TMEM248: variants seen among roughly 807,000 people sequenced by gnomAD.
TMEM248 encodes the protein transmembrane protein 248.
In TMEM248, 9 loss-of-function variants were observed where a neutral mutation model predicts 30.3. The ratio of observed to expected loss-of-function variants is 0.30; its 90% confidence interval spans 0.18 to 0.52. The LOEUF is 0.52. Among genes scored for constraint, TMEM248 ranks in the 20% least tolerant of loss-of-function variants. TMEM248 has a pLI of 0.97. For missense variants in TMEM248, 338 were observed against 403.3 expected, an observed-to-expected ratio of 0.84 and a Z score of 1.39; for synonymous variants, 184 against 154.4, an observed-to-expected ratio of 1.19 and a Z score of -1.42.
intron 6 of TMEM248, among the ~76,000 whole-genome samples, chr7:66,954,842 C>T (rs1562946672): frequency 6.6e-6 from 1 of 152,224 alleles, no homozygotes; most frequent in Non-Finnish European, 1.5e-5. Flanking sequence ...ACCCAAGCCT[C>T]TGTTGCTATT....
Position 66,955,483 on chromosome 7 carries a change from C to T in TMEM248, c.925-19C>T, listed in dbSNP as rs749941710. On this transcript the variant is annotated intron_variant, in intron 6 of 6. Transcript: ENST00000341567. The stretch of plus-strand genomic sequence containing the variant: ...GGCTTCCCTTTTTTGACTGGTTTCC[C>T]TGGCTTGCTGTCTTCCAGGTGGCTT... 12 of 1,614,048 alleles carry T rather than the reference C, an allele frequency of 7.4e-6. No individual in the cohort carries two copies. The South Asian group carries it at 1.1e-4, about 15-fold the overall frequency.
At position 66,941,886 on chromosome 7, in the gene TMEM248, G is replaced by A. The variant is rs1791970040; in HGVS notation, c.21G>A (p.Leu7=). The change falls in exon 2 of 7, where the codon CTG becomes CTA. Residue 7 remains leucine (L), a synonymous_variant. Coordinates refer to ENST00000341567, the MANE Select transcript of TMEM248 (RefSeq NM_017994.5). MFSINP[L]ENLKVYISSR... is the part of the protein sequence containing the mutation. ...GAATAATGTTCAGCATCAACCCCCT[G>A]GAGAACCTGAAGGTGTACATCAGCA... The A allele has an allele frequency of 1.2e-6, 2 of 1,613,870 alleles. No individual in the cohort carries two copies.
At chr7:66,953,762 G>C (rs1792329952) in intron 6 of TMEM248, among the ~76,000 whole-genome samples, 1 of 150,750 alleles carries the variant, frequency 6.6e-6, no homozygotes, top group Non-Finnish European at 1.5e-5. Context: ...AAGCCACCGC[G>C]TCCCACTAAG....
At chr7:66,937,135 G>T (rs1257147046) in intron 1 of TMEM248, among the ~76,000 whole-genome samples, 1 of 152,056 alleles carries the variant, frequency 6.6e-6, no homozygotes, top group Non-Finnish European at 1.5e-5. Context: ...TTTGTTTCAA[G>T]ACACTTTTTA....
intron 5 of TMEM248, among the ~76,000 whole-genome samples, chr7:66,952,934 G>A (rs973695140): frequency 2.0e-5 from 3 of 152,214 alleles, no homozygotes; most frequent in Non-Finnish European, 4.4e-5. Flanking sequence ...AGGGGAGGAA[G>A]CCTGCTGGAG....
At chr7:66,944,724 TCA>T (rs1333376395) in intron 2 of TMEM248, among the ~76,000 whole-genome samples, 1 of 152,238 alleles carries the variant, frequency 6.6e-6, no homozygotes, top group Non-Finnish European at 1.5e-5. Context: ...TGATTTGATT[TCA>T]CAGTTTATTG....
At chr7:66,924,501 T>A (rs1465135882) in intron 1 of TMEM248, among the ~76,000 whole-genome samples, 2 of 152,002 alleles carry the variant, frequency 1.3e-5, no homozygotes, top group African/African-American at 4.8e-5. Context: ...GCCTTCCGGG[T>A]TCAAGCGATT....
intron 1 of TMEM248, among the ~76,000 whole-genome samples, chr7:66,934,873 G>T (rs1791762220): frequency 6.6e-6 from 1 of 152,012 alleles, no homozygotes. Flanking sequence ...TCAACATGGT[G>T]AAACCCTGTC....
At chr7:66,944,891 G>A in intron 2 of TMEM248, 85 bp from the exon 3 acceptor site, 1 of 1,434,802 alleles carries the variant, frequency 7.0e-7, no homozygotes, top group Non-Finnish European at 9.6e-7. Context: ...GTGCTGCGGT[G>A]CCACACTGGG....
rs111972332 is a variant in TMEM248 at position 66,948,725 on chromosome 7, G to A, written c.596+31G>A. ...TGTACCCGGCACCTGATGAACGTGC[G>A]TAACAAGCTCCACTTGCCGTGAGTA... On this transcript the variant is annotated intron_variant, in intron 4 of 6. Coordinates refer to ENST00000341567, the MANE Select transcript of TMEM248 (RefSeq NM_017994.5). 6.4e-3 allele frequency: 10,202 copies of A among 1,583,482 alleles called. 38 individuals carry two copies. The highest frequency in any genetic ancestry group is 7.9e-3 in the Non-Finnish European group (9,136 of 1,157,440).
chr7:66,925,861 T>G (rs1791509246), intron 1 of TMEM248, among the ~76,000 whole-genome samples: 1 of 151,998 alleles, frequency 6.6e-6, no homozygotes, highest in Non-Finnish European at 1.5e-5. Flanking sequence ...CAGGCTGGTC[T>G]TGAACTCCTG....
chr7:66,924,663 C>T (rs1791477719), intron 1 of TMEM248, among the ~76,000 whole-genome samples: 1 of 151,910 alleles, frequency 6.6e-6, no homozygotes, highest in East Asian at 1.9e-4. Context: ...CTGCGGCCTC[C>T]CAAAGTGCTG....
At chr7:66,947,550 GTGACACCA>G (rs1190566633) in intron 3 of TMEM248, among the ~76,000 whole-genome samples, 1 of 151,940 alleles carries the variant, frequency 6.6e-6, no homozygotes, top group East Asian at 1.9e-4. Context: ...TTATAGGTTC[GTGACACCA>G]TGCCCAGCTA....
chr7:66,927,194 G>A (rs898085718), intron 1 of TMEM248, among the ~76,000 whole-genome samples: 13 of 151,900 alleles, frequency 8.6e-5, no homozygotes, highest in Middle Eastern at 3.2e-3. Flanking sequence ...TTTAAGAAGC[G>A]GGGGGGTTGA....
At chr7:66,927,455 G>A (rs1051991008) in intron 1 of TMEM248, among the ~76,000 whole-genome samples, 1 of 147,292 alleles carries the variant, frequency 6.8e-6, no homozygotes, top group Non-Finnish European at 1.5e-5. Context: ...TTTTTTTTGA[G>A]ACAAGGTTTC....
At chr7:66,938,233 G>T (rs10267335) in intron 1 of TMEM248, among the ~76,000 whole-genome samples, 39,814 of 151,882 alleles carry the variant, frequency 0.26, 5,794 homozygotes, top group East Asian at 0.43. Context: ...TTGTGGTCTT[G>T]TCTTCTTTCT....
intron 1 of TMEM248, among the ~76,000 whole-genome samples, chr7:66,937,713 T>A (rs1791840967): frequency 6.6e-6 from 1 of 152,326 alleles, no homozygotes; most frequent in Middle Eastern, 3.4e-3. Context: ...TTCCATTTCT[T>A]TATTTTCTTT....
chr7:66,940,055 G>A (rs1791908128), intron 1 of TMEM248, among the ~76,000 whole-genome samples: 1 of 152,088 alleles, frequency 6.6e-6, no homozygotes. Flanking sequence ...CCAGGTTCAA[G>A]TGATTCTCCT....
In TMEM248 at chr7:66,924,110, A is replaced by G. The variant is rs1438396192; in HGVS notation, c.-19+2649A>G. Among the ~76,000 whole-genome samples the G allele has an allele frequency of 2.0e-5, 3 of 152,356 alleles. No homozygotes were observed. In the East Asian group the frequency reaches 5.8e-4, roughly 29 times the overall value. The stretch of plus-strand genomic sequence containing the variant: ...TTCCTGTCTGGTATTGACAATCAGG[A>G]AATTAAATTTGATGTCTGTGAGTTG... On this transcript the variant is annotated intron_variant, in intron 1 of 6. Coordinates refer to ENST00000341567, the MANE Select transcript of TMEM248 (RefSeq NM_017994.5).
Sources: gnomAD v4.1 joint callset for allele counts (sites outside exome capture counted in the v4.1 genomes callset) on GRCh38, gnomAD v4.1.1 for gene constraint, MANE v1.5 for transcripts, NCBI Gene and HGNC (gene_info 2026-07-23, HGNC 2026-07-21) for gene names.